Variants in CCDC148 observed in about 807,000 individuals in gnomAD.
CCDC148 encodes coiled-coil domain containing 148, also known as coiled-coil domain-containing protein 148.
Under a neutral mutation model 85.7 loss-of-function variants are expected in CCDC148, and 89 were observed. That is an observed-to-expected ratio of 1.04 (90% CI 0.87 to 1.24). The LOEUF is 1.24. CCDC148 is among the 50% of genes most tolerant of loss of function. The probability of loss-of-function intolerance (pLI) is 0.00; values close to 1 mark genes in which losing one functional copy is unlikely to be tolerated. For synonymous variants in CCDC148, 230 were observed against 213.9 expected (o/e 1.08, Z -0.66); for missense variants, 692 against 671.7 (o/e 1.03, Z -0.33).
chr2:158,199,150 T>C (rs1574385050), intron 11 of CCDC148, among the ~76,000 whole-genome samples: 2 of 152,326 alleles, frequency 1.3e-5, no homozygotes, highest in Non-Finnish European at 2.9e-5. Flanking sequence ...GTTTTATTCA[T>C]CTGCTCTAAG....
chr2:158,244,985 T>A lies in CCDC148; in HGVS notation c.1251+5787A>T, dbSNP rs372185105. 2.6e-5 allele frequency among the ~76,000 whole-genome samples: 4 copies of A among 152,182 alleles called. No homozygotes were observed. In the South Asian group the frequency reaches 8.3e-4, roughly 31 times the overall value. The stretch of plus-strand genomic sequence containing the variant: ...TTAGCTCTTTAGATCAGTATACTAT[T>A]AGAATAAAAGATGCTGGAGAACAGA... On this transcript the variant is annotated intron_variant, in intron 10 of 13. Coordinates refer to ENST00000283233, the MANE Select transcript of CCDC148 (RefSeq NM_138803.4).
intron 9 of CCDC148, among the ~76,000 whole-genome samples, chr2:158,253,040 A>G (rs1397311754): frequency 1.3e-5 from 2 of 151,620 alleles, no homozygotes; most frequent in African/African-American, 4.8e-5. Context: ...TTTTATTACT[A>G]TGTATACACA....
rs548359583 is a variant in CCDC148, at chr2:158,440,759, G to A, written c.25+15656C>T. ...AGAAAGTAAAATCACGAATTAGTGGGAGACTACTGTAATGGAATACTACTC... is the reference window on the plus strand; with the variant it reads ...AGAAAGTAAAATCACGAATTAGTGGAAGACTACTGTAATGGAATACTACTC... On this transcript the variant is annotated intron_variant, in intron 1 of 13. Transcript: ENST00000283233. Among the ~76,000 whole-genome samples, 8 of 152,308 alleles carry A rather than the reference G, an allele frequency of 5.3e-5. No homozygotes were observed. In the South Asian group the frequency reaches 1.0e-3, roughly 20 times the overall value.
intron 9 of CCDC148, among the ~76,000 whole-genome samples, chr2:158,273,468 C>T (rs1184242689): frequency 2.0e-5 from 3 of 152,142 alleles, no homozygotes; most frequent in African/African-American, 7.2e-5. Flanking sequence ...ACAGAAGATA[C>T]ACTAACAAGA....
chr2:158,216,703 T>C (rs1441345795), intron 11 of CCDC148, among the ~76,000 whole-genome samples: 1 of 152,202 alleles, frequency 6.6e-6, no homozygotes, highest in African/African-American at 2.4e-5. Flanking sequence ...CCAAGATCAA[T>C]GTGCCAGCAT....
At chr2:158,257,122 A>G (rs1421179072) in intron 9 of CCDC148, among the ~76,000 whole-genome samples, 1 of 150,098 alleles carries the variant, frequency 6.7e-6, no homozygotes, top group East Asian at 2.0e-4. Flanking sequence ...CCATTTTCCA[A>G]CTCCCCCACC....
rs1222952822 is a variant in CCDC148 at position 158,188,896 on chromosome 2, G to T, written c.1371-9900C>A. 7.3e-5 allele frequency among the ~76,000 whole-genome samples: 11 copies of T among 151,696 alleles called. No individual in the cohort carries two copies. The South Asian group carries it at 2.3e-3, about 32-fold the overall frequency. ...AAGGAACTTAAGTCAACAAGAAAAAGAAACAAATAAACCCATTAAGAAGTA... is the reference window on the plus strand; with the variant it reads ...AAGGAACTTAAGTCAACAAGAAAAATAAACAAATAAACCCATTAAGAAGTA... On this transcript the variant is annotated intron_variant, in intron 11 of 13. Transcript: ENST00000283233.
intron 11 of CCDC148, among the ~76,000 whole-genome samples, chr2:158,191,493 G>A (rs192739320): frequency 6.6e-5 from 10 of 151,966 alleles, no homozygotes; most frequent in South Asian, 4.2e-4. Context: ...AAACGCCTTC[G>A]GGGTTTTTTC....
At chr2:158,355,151 C>A (rs1683556163) in intron 2 of CCDC148, among the ~76,000 whole-genome samples, 1 of 151,512 alleles carries the variant, frequency 6.6e-6, no homozygotes, top group Non-Finnish European at 1.5e-5. Flanking sequence ...TGGAAGCATT[C>A]CCTTTGAAAA....
intron 9 of CCDC148, among the ~76,000 whole-genome samples, chr2:158,284,247 C>T (rs549073282): frequency 1.3e-5 from 2 of 151,464 alleles, no homozygotes; most frequent in African/African-American, 4.9e-5. Flanking sequence ...GCACATTGTG[C>T]ACATGTACCC....
chr2:158,180,196 G>C (rs1308845216), intron 11 of CCDC148, among the ~76,000 whole-genome samples: 2 of 152,104 alleles, frequency 1.3e-5, no homozygotes, highest in Non-Finnish European at 2.9e-5. Flanking sequence ...TTCCAAGGTG[G>C]AGACACCTTC....
chr2:158,203,151 G>A (rs1295668666), intron 11 of CCDC148, among the ~76,000 whole-genome samples: 1 of 152,154 alleles, frequency 6.6e-6, no homozygotes, highest in African/African-American at 2.4e-5. Context: ...TAGAGTTGGA[G>A]AGCATTGTCT....
chr2:158,234,513 A>G (rs993487342), intron 10 of CCDC148, among the ~76,000 whole-genome samples: 5 of 152,200 alleles, frequency 3.3e-5, no homozygotes, highest in Non-Finnish European at 7.3e-5. Context: ...AAATAAGAAA[A>G]TAACTAGTAA....
At chr2:158,376,288 A>T (rs1684646577) in intron 1 of CCDC148, among the ~76,000 whole-genome samples, 1 of 152,082 alleles carries the variant, frequency 6.6e-6, no homozygotes. Flanking sequence ...GTGGTTCTGG[A>T]AAGGGAAAGA....
chr2:158,256,410 T>A (rs1403416607), intron 9 of CCDC148, among the ~76,000 whole-genome samples: 1 of 151,768 alleles, frequency 6.6e-6, no homozygotes, highest in Non-Finnish European at 1.5e-5. Flanking sequence ...TAATATATGA[T>A]ATGCTCTGCA....
intron 10 of CCDC148, among the ~76,000 whole-genome samples, chr2:158,247,021 T>C (rs1688596129): frequency 6.6e-6 from 1 of 152,172 alleles, no homozygotes; most frequent in Non-Finnish European, 1.5e-5. Context: ...TAACCTTGAT[T>C]ACTTGAGCGT....
At chr2:158,346,719 A>T (rs1461495608) in intron 2 of CCDC148, among the ~76,000 whole-genome samples, 1 of 152,204 alleles carries the variant, frequency 6.6e-6, no homozygotes, top group Non-Finnish European at 1.5e-5. Context: ...CTCTGCTGTT[A>T]AAGTACTTAG....
chr2:158,294,534 A>G (rs1691077280), intron 9 of CCDC148, among the ~76,000 whole-genome samples: 2 of 152,116 alleles, frequency 1.3e-5, no homozygotes, highest in Non-Finnish European at 2.9e-5. Context: ...AGAACTGCCA[A>G]AATCGTATAA....
At chr2:158,276,911 T>C (rs1181474554) in intron 9 of CCDC148, among the ~76,000 whole-genome samples, 1 of 152,254 alleles carries the variant, frequency 6.6e-6, no homozygotes, top group East Asian at 1.9e-4. Flanking sequence ...TGTTTCATGC[T>C]AATTATCAGC....
Sources: allele counts gnomAD v4.1 joint callset (sites outside exome capture counted in the v4.1 genomes callset), GRCh38; gene constraint gnomAD v4.1.1; transcripts MANE v1.5; gene names NCBI Gene and HGNC (gene_info 2026-07-23, HGNC 2026-07-21).